Variants in CDH13 observed in about 807,000 individuals in gnomAD.
CDH13 encodes the protein cadherin 13.
In CDH13, 24 loss-of-function variants were observed where a neutral mutation model predicts 63.8. That is an observed-to-expected ratio of 0.38 (90% CI 0.27 to 0.53). CDH13 has a LOEUF of 0.53. Ranked by LOEUF, CDH13 falls within the 20% of genes least tolerant of loss-of-function variation. The pLI, the probability that CDH13 is intolerant of heterozygous loss-of-function variation, is 0.85. For missense variants in CDH13, 1,049 were observed against 903.1 expected, an observed-to-expected ratio of 1.16 and a Z score of -2.07; for synonymous variants, 503 against 355.3, an observed-to-expected ratio of 1.42 and a Z score of -4.67.
At chr16:83,590,089 T>C (rs1375731306) in intron 7 of CDH13, among the ~76,000 whole-genome samples, 3 of 152,132 alleles carry the variant, frequency 2.0e-5, no homozygotes, top group African/African-American at 7.2e-5. Flanking sequence ...AACAAACAGA[T>C]GAGGCCATGA....
chr16:83,760,619 A>G (rs1371668570), intron 11 of CDH13, among the ~76,000 whole-genome samples: 3 of 152,246 alleles, frequency 2.0e-5, no homozygotes, highest in Admixed American at 2.0e-4. Context: ...GCATTTATAT[A>G]AAGCTCAAAC....
chr16:83,144,815 A>G (rs989014609), intron 4 of CDH13, among the ~76,000 whole-genome samples: 1 of 152,234 alleles, frequency 6.6e-6, no homozygotes, highest in South Asian at 2.1e-4. Context: ...TATTTCAAGA[A>G]CAGTCTCCTC....
intron 6 of CDH13, among the ~76,000 whole-genome samples, chr16:83,416,648 A>G (rs2071558608): frequency 6.6e-6 from 1 of 152,188 alleles, no homozygotes; most frequent in East Asian, 1.9e-4. Flanking sequence ...CCAGATTTGA[A>G]TTTGCATCTT....
intron 1 of CDH13, among the ~76,000 whole-genome samples, chr16:82,714,389 A>C (rs2032196909): frequency 6.6e-6 from 1 of 152,130 alleles, no homozygotes; most frequent in Non-Finnish European, 1.5e-5. Flanking sequence ...TTTGGGGAAG[A>C]AGCTAATCTA....
At chr16:82,882,987 C>T (rs926042683) in intron 2 of CDH13, among the ~76,000 whole-genome samples, 1 of 152,094 alleles carries the variant, frequency 6.6e-6, no homozygotes, top group South Asian at 2.1e-4. Flanking sequence ...GTGTAGAGGT[C>T]TAAAGAGATT....
chr16:83,455,617 G>A (rs1213062328), intron 6 of CDH13, among the ~76,000 whole-genome samples: 6 of 152,090 alleles, frequency 3.9e-5, no homozygotes, highest in African/African-American at 1.4e-4. Context: ...TTCCTCAAAG[G>A]CTTTCTGGTA....
intron 5 of CDH13, among the ~76,000 whole-genome samples, chr16:83,315,597 G>C (rs897394557): frequency 6.6e-6 from 1 of 151,478 alleles, no homozygotes; most frequent in South Asian, 2.1e-4. Context: ...TTTGCTTCGG[G>C]GGAAAAATAA....
intron 1 of CDH13, among the ~76,000 whole-genome samples, chr16:82,799,558 C>T (rs2036751326): frequency 6.6e-6 from 1 of 152,164 alleles, no homozygotes; most frequent in Non-Finnish European, 1.5e-5. Flanking sequence ...ACGTTGTAAT[C>T]AAGGAGAAAT....
chr16:83,357,359 A>G (rs2091075869), intron 6 of CDH13, among the ~76,000 whole-genome samples: 1 of 152,176 alleles, frequency 6.6e-6, no homozygotes, highest in Non-Finnish European at 1.5e-5. Context: ...CTGTACATTC[A>G]CATACACACA....
chr16:82,799,309 T>C (rs1328542626), intron 1 of CDH13, among the ~76,000 whole-genome samples: 1 of 152,204 alleles, frequency 6.6e-6, no homozygotes, highest in Non-Finnish European at 1.5e-5. Flanking sequence ...CTTGAAATAT[T>C]GTATACAGCC....
intron 6 of CDH13, among the ~76,000 whole-genome samples, chr16:83,453,935 G>T (rs1265698718): frequency 6.6e-6 from 1 of 152,202 alleles, no homozygotes; most frequent in African/African-American, 2.4e-5. Context: ...GCATCATGCT[G>T]TGCTCCTGCC....
At chr16:82,873,324 G>C (rs181505827) in intron 2 of CDH13, among the ~76,000 whole-genome samples, 1 of 152,182 alleles carries the variant, frequency 6.6e-6, no homozygotes, top group Non-Finnish European at 1.5e-5. Flanking sequence ...GGGGTATAAA[G>C]ATTGACTAAA....
chr16:82,707,998 T>G (rs1458508332), intron 1 of CDH13, among the ~76,000 whole-genome samples: 1 of 152,200 alleles, frequency 6.6e-6, no homozygotes, highest in Non-Finnish European at 1.5e-5. Context: ...CAGGCTGGCT[T>G]TGCCCTGTGT....
At chr16:82,937,549 A>G (rs1567677287) in intron 2 of CDH13, among the ~76,000 whole-genome samples, 2 of 152,204 alleles carry the variant, frequency 1.3e-5, no homozygotes, top group African/African-American at 2.4e-5. Flanking sequence ...TGCCATACCT[A>G]GCACATAGCA....
At chr16:83,393,774 A>G (rs914899346) in intron 6 of CDH13, among the ~76,000 whole-genome samples, 3 of 152,190 alleles carry the variant, frequency 2.0e-5, no homozygotes, top group African/African-American at 4.8e-5. Flanking sequence ...TTCATTTAAC[A>G]AGCAATGCCA....
At chr16:83,631,108 C>G (rs1567468263) in intron 8 of CDH13, among the ~76,000 whole-genome samples, 1 of 152,176 alleles carries the variant, frequency 6.6e-6, no homozygotes, top group African/African-American at 2.4e-5. Context: ...TGGCATGGTT[C>G]TAGTGAATGT....
chr16:83,578,905 G>C (rs1486235518), intron 7 of CDH13, among the ~76,000 whole-genome samples: 1 of 152,184 alleles, frequency 6.6e-6, no homozygotes, highest in African/African-American at 2.4e-5. Context: ...GGCTTAGTGA[G>C]GTTAACGTAC....
At chr16:83,571,570 C>T (rs887170567) in intron 7 of CDH13, among the ~76,000 whole-genome samples, 1 of 152,094 alleles carries the variant, frequency 6.6e-6, no homozygotes, top group African/African-American at 2.4e-5. Context: ...GGTGACCATA[C>T]ACTTTTACCA....
chr16:83,202,455 T>A (rs1350313964), intron 4 of CDH13, among the ~76,000 whole-genome samples: 1 of 152,120 alleles, frequency 6.6e-6, no homozygotes, highest in Non-Finnish European at 1.5e-5. Flanking sequence ...ATGATCCAAT[T>A]GGAAGAGACA....
Sources: gnomAD v4.1 joint callset for allele counts (sites outside exome capture counted in the v4.1 genomes callset) on GRCh38, gnomAD v4.1.1 for gene constraint, MANE v1.5 for transcripts, NCBI Gene and HGNC (gene_info 2026-07-23, HGNC 2026-07-21) for gene names.